Variants in DNAH5 observed in about 807,000 individuals in gnomAD.
DNAH5 encodes axonemal beta dynein heavy chain 5.
DNAH5 carries 372 observed loss-of-function variants against 518.2 expected under a neutral mutation model. The observed-to-expected ratio is 0.72, with a 90% CI of 0.66 to 0.78. DNAH5 has a LOEUF of 0.78. Among genes scored for constraint, DNAH5 ranks in the 30% least tolerant of loss-of-function variants. The pLI is 0.00. For synonymous variants in DNAH5, 2,039 were observed against 2,025.9 expected (o/e 1.01, Z -0.17); for missense variants, 5,523 against 5,687.0 (o/e 0.97, Z 0.93).
At chr5:13,781,252 ATAT>A (rs1755086609) in intron 52 of DNAH5, among the ~76,000 whole-genome samples, 1 of 152,084 alleles carries the variant, frequency 6.6e-6, no homozygotes, top group African/African-American at 2.4e-5. Context: ...TTTAAAGGAG[ATAT>A]CTATCTAAAG....
intron 34 of DNAH5, 68 bp downstream of exon 34, chr5:13,840,838 T>G: frequency 7.8e-7 from 1 of 1,278,212 alleles, no homozygotes; most frequent in Non-Finnish European, 1.1e-6. Context: ...CTAGTTCTAC[T>G]GGGTAAATGC....
At chr5:13,792,322 TAA>T in intron 49 of DNAH5, 105 bp from the exon 50 acceptor site, 1 of 874,498 alleles carries the variant, frequency 1.1e-6, no homozygotes, top group Non-Finnish European at 1.8e-6. Context: ...TTATACATTT[TAA>T]TAGATAATCA....
chr5:13,717,302 T>C lies in DNAH5; in HGVS notation c.12705+13A>G, dbSNP rs754177491. 7 of 1,612,122 alleles carry C rather than the reference T, an allele frequency of 4.3e-6. No homozygotes were observed. Among genetic ancestry groups the C allele is most frequent in the Non-Finnish European group, 4.2e-6 (5 of 1,179,108 alleles). The stretch of plus-strand genomic sequence containing the variant: ...CAGCCACTAGAGGCATGAGGCAGCA[T>C]GCGCGGCAGTACCTTTTTGACATCC... On this transcript the variant is annotated intron_variant, in intron 73 of 78. Coordinates refer to ENST00000265104, the MANE Select transcript of DNAH5 (RefSeq NM_001369.3).
In DNAH5 at chr5:13,721,219, C is replaced by T. The variant is rs571482865; in HGVS notation, c.12060G>A (p.Met4020Ile). ...AQARKYIVDS[M>I]GEKYAEGVIL... The stretch of plus-strand genomic sequence containing the variant: ...TAACACCTTCGGCATATTTTTCTCC[C>T]ATGGAGTCCACGATGTACTTGCGGG... Residue 4020 changes from methionine (M) to isoleucine (I), a missense_variant, in exon 71 of 79, where the codon ATG becomes ATA. Coordinates refer to ENST00000265104, the MANE Select transcript of DNAH5 (RefSeq NM_001369.3). 6.2e-7 allele frequency: 1 copy of T among 1,614,158 alleles called. No individual in the cohort carries two copies. The highest frequency in any genetic ancestry group is 1.7e-5 in the Admixed American group (1 of 60,028).
intron 51 of DNAH5, among the ~76,000 whole-genome samples, chr5:13,788,145 A>G (rs1395036151): frequency 6.6e-6 from 1 of 152,114 alleles, no homozygotes; most frequent in Non-Finnish European, 1.5e-5. Flanking sequence ...ATCTCATTCC[A>G]ATTACATTTA....
intron 60 of DNAH5, 58 bp downstream of exon 60, chr5:13,762,664 G>A (rs1383899249): frequency 1.1e-5 from 16 of 1,490,316 alleles, no homozygotes; most frequent in East Asian, 6.8e-5. Flanking sequence ...AAGATAAGAC[G>A]GGTCGACCTG....
Position 13,807,668 on chromosome 5 carries a change from T to A in DNAH5, c.7810A>T (p.Met2604Leu). The change falls in exon 47 of 79, where the codon ATG (methionine) becomes TTG (leucine). Residue 2604 changes from methionine (M) to leucine (L), a missense_variant. By Grantham distance (15) the Met-to-Leu change is conservative. This residue lies in a region of DNAH5 where 5,121 missense variants were observed against 5,223.3 expected (regional missense o/e 0.98). Coordinates refer to ENST00000265104, the MANE Select transcript of DNAH5 (RefSeq NM_001369.3). ...TGACATTCAGGATCATATTTTGACA[T>A]AAATCCTTTAATTATTACTGTTTTG... Reference protein sequence around the residue: ...TAKTVIIKGFMSKYDPECHMI... With the variant: ...TAKTVIIKGFLSKYDPECHMI... The A allele has an allele frequency of 1.2e-6, 2 of 1,610,902 alleles. No homozygotes were observed. The highest frequency in any genetic ancestry group is 3.3e-5 in the Admixed American group (2 of 59,880).
At chr5:13,949,760 G>A (rs568180224) in intron 1 of DNAH5, among the ~76,000 whole-genome samples, 6 of 152,318 alleles carry the variant, frequency 3.9e-5, no homozygotes, top group African/African-American at 1.4e-4. Flanking sequence ...CACTAACGGA[G>A]GGATACATTA....
intron 75 of DNAH5, 128 bp downstream of exon 75, chr5:13,714,277 G>A: frequency 1.0e-6 from 1 of 984,698 alleles, no homozygotes; most frequent in South Asian, 1.4e-5. Flanking sequence ...TCTTTAAGAA[G>A]CTGGTTTTTA....
chr5:13,925,321 C>T (rs1777755177), intron 3 of DNAH5, among the ~76,000 whole-genome samples: 2 of 152,184 alleles, frequency 1.3e-5, no homozygotes, highest in African/African-American at 2.4e-5. Flanking sequence ...TGTCCTAGAA[C>T]TGATTAGACA....
chr5:13,874,412 CT>C (rs1280932101), intron 22 of DNAH5, among the ~76,000 whole-genome samples: 3 of 152,124 alleles, frequency 2.0e-5, no homozygotes, highest in Non-Finnish European at 4.4e-5. Context: ...TAACCTAGAC[CT>C]TGAAAGGAAA....
intron 42 of DNAH5, 31 bp from the exon 43 acceptor site, chr5:13,814,877 A>G: frequency 6.2e-7 from 1 of 1,607,222 alleles, no homozygotes; most frequent in Non-Finnish European, 8.5e-7. Flanking sequence ...GAAAAAAAAA[A>G]TACATACACT....
intron 1 of DNAH5, among the ~76,000 whole-genome samples, chr5:14,002,551 T>C (rs1442359226): frequency 6.6e-6 from 1 of 152,168 alleles, no homozygotes; most frequent in Non-Finnish European, 1.5e-5. Context: ...CAAAACAATA[T>C]GTGTTTAAAT....
chr5:13,842,404 G>T (rs903254991), intron 32 of DNAH5, among the ~76,000 whole-genome samples: 1 of 109,152 alleles, frequency 9.2e-6, no homozygotes, highest in Non-Finnish European at 1.9e-5. Flanking sequence ...AAGAAACAGA[G>T]CGAGAAAGAA....
At chr5:13,891,624 G>A (rs946986914) in intron 16 of DNAH5, among the ~76,000 whole-genome samples, 5 of 152,106 alleles carry the variant, frequency 3.3e-5, no homozygotes, top group Admixed American at 1.3e-4. Context: ...GCATCCTTCC[G>A]TCTCTGCGGA....
rs1765167418 is a variant in DNAH5, at chr5:13,841,553, A to T, written c.5484+139T>A. 1.2e-5 allele frequency: 8 copies of T among 680,530 alleles called. No homozygotes were observed. The South Asian group carries it at 1.2e-4, about 11-fold the overall frequency. The allele number at this position is 680,530 out of a possible 1,614,324, so 42.2% of individuals were successfully genotyped here. ...GTAGTTAAAATCTGAAAGGTTAAGT[A>T]TATTTAATGGGTCCTTATGAAAATC... is the stretch of plus-strand genomic sequence containing the variant. On this transcript the variant is annotated intron_variant, in intron 33 of 78. Transcript: ENST00000265104.
intron 43 of DNAH5, among the ~76,000 whole-genome samples, chr5:13,813,997 A>C (rs1458990853): frequency 3.3e-5 from 5 of 152,182 alleles, no homozygotes; most frequent in Non-Finnish European, 7.3e-5. Context: ...ACATTATAAT[A>C]TTTATATAGC....
At chr5:13,724,109 C>G (rs762221188) in intron 70 of DNAH5, among the ~76,000 whole-genome samples, 1 of 152,234 alleles carries the variant, frequency 6.6e-6, no homozygotes, top group Non-Finnish European at 1.5e-5. Context: ...TCTTCATCTT[C>G]TTTTCTCCAA....
intron 66 of DNAH5, among the ~76,000 whole-genome samples, chr5:13,736,353 G>T (rs1189471473): frequency 6.6e-6 from 1 of 151,992 alleles, no homozygotes; most frequent in Non-Finnish European, 1.5e-5. Context: ...CCATTGCAAA[G>T]ATGATGCTTC....
Sources: gnomAD v4.1 joint callset for allele counts (sites outside exome capture counted in the v4.1 genomes callset) on GRCh38, gnomAD v4.1.1 for gene constraint, gnomAD v4.1.1 regional missense constraint, MANE v1.5 for transcripts, NCBI Gene and HGNC (gene_info 2026-07-23, HGNC 2026-07-21) for gene names.